KATNAL1: variants seen among roughly 807,000 people sequenced by gnomAD.
The protein encoded by KATNAL1 is katanin catalytic subunit A1 like 1.
KATNAL1 carries 32 observed loss-of-function variants against 55.2 expected under a neutral mutation model. The observed-to-expected ratio is 0.58, with a 90% CI of 0.44 to 0.78. The LOEUF (loss-of-function observed/expected upper bound fraction) is 0.78, where lower values mean the gene tolerates loss of function less well. Ranked by LOEUF, KATNAL1 falls within the 30% of genes least tolerant of loss-of-function variation. The probability of loss-of-function intolerance (pLI) is 0.00; values close to 1 mark genes in which losing one functional copy is unlikely to be tolerated. For synonymous variants in KATNAL1, 193 were observed against 193.6 expected, an observed-to-expected ratio of 1.00 and a Z score of 0.02; for missense variants, 466 against 600.9, an observed-to-expected ratio of 0.78 and a Z score of 2.35.
rs1437924896 is a variant in KATNAL1, at chr13:30,204,031, C to T, written c.*4509G>A. On this transcript the variant is annotated 3_prime_UTR_variant, in exon 11 of 11. Transcript: ENST00000380615. ...ATTCGAGGCTTAAATATTTTTACCCCCCTAACATGTCCCCTAAGTATAATT... is the reference window on the plus strand; with the variant it reads ...ATTCGAGGCTTAAATATTTTTACCCTCCTAACATGTCCCCTAAGTATAATT... 1 of 152,020 alleles carries T rather than the reference C, an allele frequency of 6.6e-6. No individual in the cohort carries two copies. The highest frequency in any genetic ancestry group is 1.9e-4 in the East Asian group (1 of 5,192). The allele number at this position is 152,020 out of a possible 1,614,324, so 9.4% of individuals were successfully genotyped here. A position where few individuals can be genotyped will look rare whatever the true frequency, so the allele number is the denominator to read the frequency against.
At position 30,262,987 on chromosome 13, in the gene KATNAL1, C is replaced by A. The variant is rs185094317; in HGVS notation, c.324-7372G>T. On this transcript the variant is annotated intron_variant, in intron 3 of 10. Transcript: ENST00000380615. ...AATCCTCAATAAAATACTGGCAAAC[C>A]GAATCCAGCAGTACATCTAAAAGCT... 1.4e-3 allele frequency among the ~76,000 whole-genome samples: 215 copies of A among 152,228 alleles called. 2 individuals are homozygous for A. The highest frequency in any genetic ancestry group is 4.8e-3 in the African/African-American group (198 of 41,542).
chr13:30,267,072 T>C (rs896188002), intron 3 of KATNAL1, among the ~76,000 whole-genome samples: 1 of 152,188 alleles, frequency 6.6e-6, no homozygotes, highest in Non-Finnish European at 1.5e-5. Context: ...TACTAAACCT[T>C]TCACTAATGA....
At chr13:30,246,049 T>C (rs932722226) in intron 4 of KATNAL1, among the ~76,000 whole-genome samples, 3 of 152,168 alleles carry the variant, frequency 2.0e-5, no homozygotes, top group African/African-American at 7.2e-5. Flanking sequence ...AAAACTACTT[T>C]AAATTTCATA....
chr13:30,302,141 C>G (rs150866598), intron 1 of KATNAL1, among the ~76,000 whole-genome samples: 1 of 152,320 alleles, frequency 6.6e-6, no homozygotes, highest in African/African-American at 2.4e-5. Context: ...TCCCAAAGTG[C>G]TGGGATAACA....
chr13:30,271,923 A>G (rs2137508882), intron 3 of KATNAL1, among the ~76,000 whole-genome samples: 1 of 151,564 alleles, frequency 6.6e-6, no homozygotes, highest in Admixed American at 6.6e-5. Flanking sequence ...ATGTCACAGA[A>G]GCCTTAGGAG....
rs193180733 is a variant in KATNAL1, at chr13:30,225,810, T to C, written c.1147+1602A>G. On this transcript the variant is annotated intron_variant, in intron 9 of 10. Transcript: ENST00000380615. Reference sequence around the variant, plus strand: ...AAAAAGTACTATTCATTAAAAAAAATTGTCAACAGGACTTCATCAAAATTT... The same window carrying C: ...AAAAAGTACTATTCATTAAAAAAAACTGTCAACAGGACTTCATCAAAATTT... Among the ~76,000 whole-genome samples, 439 of 151,976 alleles carry C rather than the reference T, an allele frequency of 2.9e-3. 4 individuals are homozygous for C. Among genetic ancestry groups the C allele is most frequent in the African/African-American group, 1.0e-2 (413 of 41,450 alleles).
At chr13:30,213,689 T>C (rs1300722168) in intron 9 of KATNAL1, among the ~76,000 whole-genome samples, 6 of 151,952 alleles carry the variant, frequency 3.9e-5, no homozygotes, top group African/African-American at 1.4e-4. Flanking sequence ...ATTATCTCAA[T>C]AGATGCAGAA....
intron 9 of KATNAL1, 123 bp downstream of exon 9, chr13:30,227,289 C>T (rs1875593726): frequency 3.4e-6 from 3 of 875,414 alleles, no homozygotes; most frequent in East Asian, 4.9e-5. Flanking sequence ...TTCACATCTA[C>T]TACAAATTAA....
intron 6 of KATNAL1, among the ~76,000 whole-genome samples, chr13:30,238,244 T>C (rs1383105855): frequency 2.6e-5 from 4 of 152,226 alleles, no homozygotes. Context: ...AACATTTACA[T>C]AGTTCTAAGG....
At chr13:30,237,578 A>G (rs1876819356) in intron 6 of KATNAL1, among the ~76,000 whole-genome samples, 1 of 152,182 alleles carries the variant, frequency 6.6e-6, no homozygotes, top group African/African-American at 2.4e-5. Flanking sequence ...AAGGACCTCA[A>G]TATTATTCTG....
chr13:30,257,097 C>T (rs768096116), intron 3 of KATNAL1, among the ~76,000 whole-genome samples: 3 of 151,940 alleles, frequency 2.0e-5, no homozygotes, highest in Non-Finnish European at 2.9e-5. Flanking sequence ...AAAAATGTGA[C>T]GAGTCTGGTA....
chr13:30,278,284 A>T (rs1881016841), intron 3 of KATNAL1, among the ~76,000 whole-genome samples: 1 of 152,114 alleles, frequency 6.6e-6, no homozygotes, highest in Non-Finnish European at 1.5e-5. Flanking sequence ...GAGGAAAAAA[A>T]AAACACACAT....
intron 9 of KATNAL1, among the ~76,000 whole-genome samples, chr13:30,211,655 T>C (rs1412608726): frequency 6.6e-6 from 1 of 152,214 alleles, no homozygotes; most frequent in African/African-American, 2.4e-5. Flanking sequence ...ATTGATCTTA[T>C]ACAGCCAAAG....
intron 1 of KATNAL1, among the ~76,000 whole-genome samples, chr13:30,284,273 C>T (rs1005472264): frequency 4.6e-5 from 7 of 152,184 alleles, no homozygotes; most frequent in Non-Finnish European, 8.8e-5. Flanking sequence ...TACAAAAGAA[C>T]ACCCACGGAA....
At chr13:30,240,639 ATTT>A (rs1045699775) in intron 5 of KATNAL1, 74 bp from the exon 6 acceptor site, 1 of 995,974 alleles carries the variant, frequency 1.0e-6, no homozygotes, top group South Asian at 1.5e-5. Context: ...AATTCTTTTA[ATTT>A]TTTTTTACTT....
intron 9 of KATNAL1, among the ~76,000 whole-genome samples, chr13:30,217,376 C>T (rs1874395636): frequency 1.3e-5 from 2 of 152,134 alleles, no homozygotes; most frequent in African/African-American, 4.8e-5. Flanking sequence ...ATGGCGTGAA[C>T]TCAGGGGGCG....
chr13:30,216,265 G>GT (rs368795803), intron 9 of KATNAL1, among the ~76,000 whole-genome samples: 2 of 152,272 alleles, frequency 1.3e-5, no homozygotes, highest in East Asian at 3.9e-4. Context: ...GGAAATCACT[G>GT]TAAGGGAAAG....
chr13:30,288,111 A>T (rs1432230308), intron 1 of KATNAL1, among the ~76,000 whole-genome samples: 2 of 152,182 alleles, frequency 1.3e-5, no homozygotes, highest in Non-Finnish European at 2.9e-5. Context: ...AAAATCAATC[A>T]CAAATGTTCA....
intron 1 of KATNAL1, among the ~76,000 whole-genome samples, chr13:30,285,301 A>G (rs1881699949): frequency 7.1e-6 from 1 of 140,172 alleles, no homozygotes; most frequent in African/African-American, 2.9e-5. Context: ...CCCCACCCAA[A>G]TCTCACCTTA....
Sources: gnomAD v4.1 joint callset for allele counts (sites outside exome capture counted in the v4.1 genomes callset) on GRCh38, gnomAD v4.1.1 for gene constraint, MANE v1.5 for transcripts, NCBI Gene and HGNC (gene_info 2026-07-23, HGNC 2026-07-21) for gene names.